The following PNPLA8 variants were observed in gnomAD, a reference collection of about 807,000 sequenced individuals.
PNPLA8 encodes patatin like domain 8, phospholipase A2, also known as calcium-independent phospholipase A2-gamma.
In PNPLA8, 39 loss-of-function variants were observed where a neutral mutation model predicts 76.9. That is an observed-to-expected ratio of 0.51 (90% CI 0.39 to 0.66). PNPLA8 has a LOEUF of 0.66. Among genes scored for constraint, PNPLA8 ranks in the 30% least tolerant of loss-of-function variants. PNPLA8 has a pLI of 0.00. For synonymous variants in PNPLA8, 301 were observed against 307.9 expected (o/e 0.98, Z 0.24); for missense variants, 887 against 918.0 (o/e 0.97, Z 0.44).
intron 4 of PNPLA8, chr7:108,510,207 A>C (rs1862803715): frequency 9.6e-7 from 1 of 1,041,606 alleles, no homozygotes; most frequent in Non-Finnish European, 1.4e-6. Context: ...GAAAACCGGT[A>C]ACTAGCTCTT....
chr7:108,520,221 C>A (rs981035296), intron 2 of PNPLA8, among the ~76,000 whole-genome samples: 1 of 152,212 alleles, frequency 6.6e-6, no homozygotes, highest in Non-Finnish European at 1.5e-5. Context: ...TCGATCCCTA[C>A]AAGGCTCTTC....
At chr7:108,507,896 G>GC in intron 4 of PNPLA8, among the ~76,000 whole-genome samples, 1 of 145,160 alleles carries the variant, frequency 6.9e-6, no homozygotes, top group East Asian at 2.0e-4. Context: ...ATGTAATCCA[G>GC]CATATAAACA....
Position 108,472,355 on chromosome 7 carries a change from A to T in PNPLA8, c.*46T>A. 7.6e-7 allele frequency: 1 copy of T among 1,309,860 alleles called. No individual in the cohort carries two copies. The highest frequency in any genetic ancestry group is 1.1e-6 in the Non-Finnish European group (1 of 951,638). The allele number at this position is 1,309,860 out of a possible 1,614,324, so 81.1% of individuals were successfully genotyped here. ...CACAATTCCTTATTGAATGTGGTTG[A>T]TCTTCTAAACAGACCTTCATTTATG... is the stretch of plus-strand genomic sequence containing the variant. On this transcript the variant is annotated 3_prime_UTR_variant, in exon 11 of 11. Coordinates refer to ENST00000257694, the MANE Select transcript of PNPLA8 (RefSeq NM_001256007.3).
Position 108,514,290 on chromosome 7 carries a change from T to C in PNPLA8, c.1060A>G (p.Ile354Val). The change falls in exon 4 of 11, where the codon ATC becomes GTC. Residue 354 changes from isoleucine to valine, a missense_variant. Transcript: ENST00000257694. ...CTGTTATCAATACTCACCCTTGCGA[T>C]AATCTACAAAGACATATTAAATAGA... ...KRLSLQREKI[I>V]ARVSIDNRTR... The C allele has an allele frequency of 6.2e-7, 1 of 1,608,522 alleles. No individual in the cohort carries two copies. Among genetic ancestry groups the C allele is most frequent in the Non-Finnish European group, 8.5e-7 (1 of 1,176,784 alleles).
At chr7:108,526,556 C>T (rs1292935915), upstream of PNPLA8, among the ~76,000 whole-genome samples, 1 of 152,254 alleles carries the variant, frequency 6.6e-6, no homozygotes, top group African/African-American at 2.4e-5. Flanking sequence ...GTCCCTGAAG[C>T]CCCTGCCTGC....
intron 2 of PNPLA8, among the ~76,000 whole-genome samples, chr7:108,518,924 G>A (rs115454220): frequency 5.6e-4 from 85 of 151,578 alleles, no homozygotes; most frequent in African/African-American, 1.9e-3. Flanking sequence ...GAATGAGAAC[G>A]GTTTTTACTT....
At chr7:108,494,518 C>A (rs2154515501) in intron 7 of PNPLA8, among the ~76,000 whole-genome samples, 1 of 152,350 alleles carries the variant, frequency 6.6e-6, no homozygotes, top group East Asian at 1.9e-4. Flanking sequence ...CCAGCTCCAA[C>A]CACGTTGCTG....
rs1462121996 is a variant in PNPLA8, at chr7:108,499,653, T to G, written c.1359-2076A>C. On this transcript the variant is annotated intron_variant, in intron 5 of 10. Transcript: ENST00000257694. ...TAGATGCAAGTGGCAGTGCTCTAGT[T>G]GTGACAACTAAAAATGTCTCCAGAC... is the stretch of plus-strand genomic sequence containing the variant. 2.0e-5 allele frequency among the ~76,000 whole-genome samples: 3 copies of G among 152,206 alleles called. No individual in the cohort carries two copies. The South Asian group carries it at 6.2e-4, about 32-fold the overall frequency.
chr7:108,479,280 T>G lies in PNPLA8; in HGVS notation c.1978A>C (p.Thr660Pro). ...CTCACATCACTCTCATAACGTCCAG[T>G]GCCCAGGGATACTATGCACTCTAAC... Reference protein sequence around the residue: ...VPLECIVSLGTGRYESDVRNT... With the variant: ...VPLECIVSLGPGRYESDVRNT... Residue 660 changes from threonine (T) to proline (P), a missense_variant, in exon 10 of 11, where the codon ACT (threonine) becomes CCT (proline). Transcript: ENST00000257694. 6.2e-7 allele frequency: 1 copy of G among 1,612,802 alleles called. No homozygotes were observed. The highest frequency in any genetic ancestry group is 8.5e-7 in the Non-Finnish European group (1 of 1,178,758).
chr7:108,527,145 C>T (rs1327907608), upstream of PNPLA8, among the ~76,000 whole-genome samples: 1 of 152,216 alleles, frequency 6.6e-6, no homozygotes, highest in Non-Finnish European at 1.5e-5. Flanking sequence ...ATACTGTACT[C>T]TCAAGGCTTA....
intron 4 of PNPLA8, among the ~76,000 whole-genome samples, chr7:108,509,586 A>G (rs1319372144): frequency 6.8e-6 from 1 of 147,034 alleles, no homozygotes; most frequent in Non-Finnish European, 1.5e-5. Flanking sequence ...GTGGGACTGT[A>G]AACTAGTTCA....
intron 10 of PNPLA8, among the ~76,000 whole-genome samples, chr7:108,478,757 G>A (rs1389737530): frequency 6.6e-6 from 1 of 152,196 alleles, no homozygotes; most frequent in Non-Finnish European, 1.5e-5. Context: ...GGCAGCAAGA[G>A]TAAAAGCAAG....
Position 108,514,882 on chromosome 7 carries a change from A to C in PNPLA8, c.610T>G (p.Phe204Val), listed in dbSNP as rs1863202157. 6.2e-7 allele frequency: 1 copy of C among 1,608,040 alleles called. No homozygotes were observed. Among genetic ancestry groups the C allele is most frequent in the Admixed American group, 1.7e-5 (1 of 59,276 alleles). Reference protein sequence around the residue: ...SSITTKFGDSFYFLSNHINSY... With the variant: ...SSITTKFGDSVYFLSNHINSY... Reference sequence around the variant, plus strand: ...TTAATATGATTTGATAAAAAGTAGAATGAGTCTCCAAATTTTGTGGTTATA... The same window carrying C: ...TTAATATGATTTGATAAAAAGTAGACTGAGTCTCCAAATTTTGTGGTTATA... The change falls in exon 3 of 11, where the codon TTC becomes GTC. Residue 204 changes from phenylalanine (F) to valine (V), a missense_variant. Coordinates refer to ENST00000257694, the MANE Select transcript of PNPLA8 (RefSeq NM_001256007.3).
intron 4 of PNPLA8, among the ~76,000 whole-genome samples, chr7:108,512,274 A>G (rs1862990170): frequency 6.6e-6 from 1 of 152,210 alleles, no homozygotes; most frequent in South Asian, 2.1e-4. Context: ...CTAATACATT[A>G]CAGTGGTAAT....
chr7:108,495,847 TGAAAAAAGGA>T (rs1311958946), intron 7 of PNPLA8, among the ~76,000 whole-genome samples: 2 of 152,052 alleles, frequency 1.3e-5, no homozygotes, highest in Non-Finnish European at 2.9e-5. Flanking sequence ...TAAGAACGTT[TGAAAAAAGGA>T]GAAGGATACG....
intron 2 of PNPLA8, chr7:108,518,280 A>G (rs769051167): frequency 1.3e-5 from 2 of 152,236 alleles, no homozygotes; most frequent in East Asian, 1.9e-4. Context: ...TTCCAGCTGT[A>G]TAACACTCTA....
intron 2 of PNPLA8, among the ~76,000 whole-genome samples, chr7:108,520,821 T>C (rs1201566712): frequency 2.0e-5 from 3 of 152,188 alleles, no homozygotes; most frequent in Non-Finnish European, 4.4e-5. Flanking sequence ...ATGTTAGATT[T>C]AGTTAGTCCA....
At chr7:108,477,686 C>T (rs183244995) in intron 10 of PNPLA8, among the ~76,000 whole-genome samples, 1 of 152,086 alleles carries the variant, frequency 6.6e-6, no homozygotes, top group East Asian at 1.9e-4. Flanking sequence ...ACAGGGAGAC[C>T]CCATCTCTAC....
At chr7:108,519,343 T>A (rs140208769) in intron 2 of PNPLA8, among the ~76,000 whole-genome samples, 2 of 152,282 alleles carry the variant, frequency 1.3e-5, no homozygotes, top group Admixed American at 6.5e-5. Context: ...GAGGCTGCAG[T>A]GAGCCACAGA....
Sources: gnomAD v4.1 joint callset for allele counts (sites outside exome capture counted in the v4.1 genomes callset) on GRCh38, gnomAD v4.1.1 for gene constraint, MANE v1.5 for transcripts, NCBI Gene and HGNC (gene_info 2026-07-23, HGNC 2026-07-21) for gene names.